The following STIM1 variants were observed in gnomAD, a reference collection of about 807,000 sequenced individuals.
STIM1 encodes stromal interaction molecule 1.
STIM1 carries 25 observed loss-of-function variants against 74.7 expected under a neutral mutation model. The observed-to-expected ratio is 0.33, with a 90% CI of 0.24 to 0.47. STIM1 has a LOEUF of 0.47. Among genes scored for constraint, STIM1 ranks in the 20% least tolerant of loss-of-function variants. The pLI, the probability that STIM1 is intolerant of heterozygous loss-of-function variation, is 1.00. For synonymous variants in STIM1, 328 were observed against 348.8 expected, an observed-to-expected ratio of 0.94 and a Z score of 0.66; for missense variants, 728 against 920.8, an observed-to-expected ratio of 0.79 and a Z score of 2.71.
chr11:3,893,498 G>A (rs2091958828), intron 1 of STIM1, among the ~76,000 whole-genome samples: 1 of 152,202 alleles, frequency 6.6e-6, no homozygotes, highest in South Asian at 2.1e-4. Flanking sequence ...GTGAGTGAAT[G>A]ACCTTGGACA....
chr11:3,932,574 A>G (rs1011564892), intron 1 of STIM1, among the ~76,000 whole-genome samples: 1 of 150,550 alleles, frequency 6.6e-6, no homozygotes, highest in Non-Finnish European at 1.5e-5. Flanking sequence ...AGGCAGGAGA[A>G]TGGCATGAAT....
chr11:4,059,719 A>G (rs1398542768), intron 5 of STIM1, among the ~76,000 whole-genome samples: 2 of 152,204 alleles, frequency 1.3e-5, no homozygotes, highest in African/African-American at 4.8e-5. Context: ...TCTGAGGCCC[A>G]GATGAGGGCT....
intron 1 of STIM1, among the ~76,000 whole-genome samples, chr11:3,931,656 G>A (rs1182823142): frequency 1.3e-5 from 2 of 152,194 alleles, no homozygotes; most frequent in African/African-American, 4.8e-5. Flanking sequence ...TAGACTGAAT[G>A]TTTGTGTCCC....
intron 2 of STIM1, among the ~76,000 whole-genome samples, chr11:3,980,621 A>C (rs1239878250): frequency 1.3e-5 from 2 of 151,864 alleles, no homozygotes; most frequent in African/African-American, 2.4e-5. Flanking sequence ...AAAAAAAAAA[A>C]AAAAAAACCC....
intron 2 of STIM1, among the ~76,000 whole-genome samples, chr11:4,013,525 T>G (rs190937192): frequency 6.6e-6 from 1 of 151,368 alleles, no homozygotes; most frequent in African/African-American, 2.4e-5. Context: ...TTTTATATTA[T>G]TTTATTCTCT....
At chr11:3,861,699 A>T (rs528066765) in intron 1 of STIM1, among the ~76,000 whole-genome samples, 29 of 152,336 alleles carry the variant, frequency 1.9e-4, no homozygotes, top group South Asian at 1.7e-3. Flanking sequence ...AATTGAAGGA[A>T]ATGCTAACTT....
At chr11:3,887,925 G>A (rs1000862762) in intron 1 of STIM1, among the ~76,000 whole-genome samples, 1 of 146,978 alleles carries the variant, frequency 6.8e-6, no homozygotes, top group Non-Finnish European at 1.5e-5. Context: ...AGTGGAGATC[G>A]CACCACTGCA....
chr11:4,011,041 C>T (rs1050566490), intron 2 of STIM1, among the ~76,000 whole-genome samples: 4 of 152,038 alleles, frequency 2.6e-5, no homozygotes, highest in African/African-American at 7.2e-5. Flanking sequence ...CTGAAAAGAA[C>T]ATGAACTCAT....
intron 1 of STIM1, among the ~76,000 whole-genome samples, chr11:3,867,582 G>A (rs2090906961): frequency 6.6e-6 from 1 of 152,240 alleles, no homozygotes; most frequent in Admixed American, 6.5e-5. Context: ...GGATAGTCCT[G>A]TGAAGATTGC....
chr11:3,930,829 C>T (rs180992960), intron 1 of STIM1, among the ~76,000 whole-genome samples: 240 of 152,238 alleles, frequency 1.6e-3, no homozygotes, highest in Non-Finnish European at 2.7e-3. Context: ...ACCTTAGGGC[C>T]GAGCAGACAG....
chr11:3,908,154 G>A (rs1053888617), intron 1 of STIM1, among the ~76,000 whole-genome samples: 4 of 152,160 alleles, frequency 2.6e-5, no homozygotes, highest in African/African-American at 9.7e-5. Context: ...ATACTGACTG[G>A]TGCATATAGC....
intron 1 of STIM1, among the ~76,000 whole-genome samples, chr11:3,911,979 G>T (rs1026422728): frequency 6.6e-6 from 1 of 152,048 alleles, no homozygotes; most frequent in Admixed American, 6.6e-5. Context: ...TGATTTTTTA[G>T]AGCAACTTTT....
intron 3 of STIM1, among the ~76,000 whole-genome samples, chr11:4,048,369 GT>G (rs1378790439): frequency 6.6e-6 from 1 of 152,156 alleles, no homozygotes; most frequent in Non-Finnish European, 1.5e-5. Flanking sequence ...AAGTCACTGT[GT>G]AAAATTTGTA....
chr11:3,980,680 C>CA (rs1230147060), intron 2 of STIM1, among the ~76,000 whole-genome samples: 45 of 149,196 alleles, frequency 3.0e-4, no homozygotes, highest in South Asian at 6.3e-4. Flanking sequence ...ACAACAACAA[C>CA]AAAAAAAAAC....
intron 2 of STIM1, among the ~76,000 whole-genome samples, chr11:4,015,221 G>T (rs1434571709): frequency 6.6e-6 from 1 of 152,214 alleles, no homozygotes; most frequent in South Asian, 2.1e-4. Context: ...GCTTCCTTCA[G>T]GAGCTCTTGT....
chr11:4,047,537 A>C (rs544667895), intron 3 of STIM1, among the ~76,000 whole-genome samples: 24 of 152,180 alleles, frequency 1.6e-4, no homozygotes, highest in African/African-American at 5.8e-4. Context: ...AATTACATGA[A>C]CCTGGGAGGC....
intron 3 of STIM1, among the ~76,000 whole-genome samples, chr11:4,029,954 G>C (rs2094034440): frequency 6.6e-6 from 1 of 152,078 alleles, no homozygotes; most frequent in Non-Finnish European, 1.5e-5. Context: ...ACATGCTTTT[G>C]CTTAAAGTTG....
At chr11:3,857,570 G>A (rs994906815) in intron 1 of STIM1, among the ~76,000 whole-genome samples, 8 of 151,886 alleles carry the variant, frequency 5.3e-5, no homozygotes, top group South Asian at 2.1e-4. Context: ...TAAGGCTTAC[G>A]AGATCAGTTC....
chr11:4,031,898 T>G (rs2094053686), intron 3 of STIM1, among the ~76,000 whole-genome samples: 1 of 152,270 alleles, frequency 6.6e-6, no homozygotes, highest in South Asian at 2.1e-4. Context: ...TATCAATTTG[T>G]TTTTTAACAG....
Sources: gnomAD v4.1 joint callset for allele counts (sites outside exome capture counted in the v4.1 genomes callset) on GRCh38, gnomAD v4.1.1 for gene constraint, MANE v1.5 for transcripts, NCBI Gene and HGNC (gene_info 2026-07-23, HGNC 2026-07-21) for gene names.